Variants in DPP10 observed in about 807,000 individuals in gnomAD.
The protein encoded by DPP10 is dipeptidyl peptidase like 10, also known as inactive dipeptidyl peptidase 10.
A neutral mutation model predicts 120.9 loss-of-function variants in DPP10; 33 were observed. That is an observed-to-expected ratio of 0.27 (90% CI 0.21 to 0.37). The LOEUF is 0.37. Ranked by LOEUF, DPP10 falls within the 10% of genes least tolerant of loss-of-function variation. The pLI, the probability that DPP10 is intolerant of heterozygous loss-of-function variation, is 1.00. For synonymous variants in DPP10, 337 were observed against 326.1 expected, an observed-to-expected ratio of 1.03 and a Z score of -0.36; for missense variants, 816 against 942.8, an observed-to-expected ratio of 0.87 and a Z score of 1.76.
chr2:115,824,452 C>T (rs1253647899), intron 21 of DPP10, among the ~76,000 whole-genome samples: 1 of 152,106 alleles, frequency 6.6e-6, no homozygotes, highest in Non-Finnish European at 1.5e-5. Flanking sequence ...GGTATTTGTC[C>T]TAATGATCTC....
At chr2:114,650,196 G>T (rs551114012) in intron 1 of DPP10, among the ~76,000 whole-genome samples, 1 of 152,092 alleles carries the variant, frequency 6.6e-6, no homozygotes, top group East Asian at 1.9e-4. Context: ...TTGGAGCACC[G>T]TCTGAGAGCA....
At chr2:115,002,694 A>C in intron 1 of DPP10, among the ~76,000 whole-genome samples, 1 of 152,274 alleles carries the variant, frequency 6.6e-6, no homozygotes, top group Middle Eastern at 3.4e-3. Flanking sequence ...CTAATAAGTG[A>C]GCAAAGAACA....
chr2:115,701,840 A>G (rs2091902189), intron 7 of DPP10, among the ~76,000 whole-genome samples: 1 of 152,108 alleles, frequency 6.6e-6, no homozygotes, highest in Non-Finnish European at 1.5e-5. Context: ...TAAATGGCCA[A>G]TAAGTTCATC....
At chr2:114,448,471 T>C (rs779142569) in intron 1 of DPP10, among the ~76,000 whole-genome samples, 7 of 152,160 alleles carry the variant, frequency 4.6e-5, no homozygotes, top group South Asian at 2.1e-4. Flanking sequence ...TAAGCTAAGA[T>C]AGTGGTTATC....
intron 1 of DPP10, among the ~76,000 whole-genome samples, chr2:114,555,740 T>C (rs1573641834): frequency 6.6e-6 from 1 of 152,198 alleles, no homozygotes. Context: ...TATTTAATGA[T>C]GTATAACTGA....
intron 19 of DPP10, among the ~76,000 whole-genome samples, chr2:115,794,820 T>G (rs1684364993): frequency 2.0e-5 from 3 of 152,166 alleles, no homozygotes; most frequent in African/African-American, 7.2e-5. Flanking sequence ...CCAGCTCTTA[T>G]AACCTCGTAT....
At chr2:115,689,792 G>C in intron 6 of DPP10, 48 bp from the exon 7 acceptor site, 1 of 1,608,842 alleles carries the variant, frequency 6.2e-7, no homozygotes, top group Non-Finnish European at 8.5e-7. Context: ...CTAAATTGTT[G>C]GTGTAGATAT....
intron 1 of DPP10, among the ~76,000 whole-genome samples, chr2:115,091,130 T>C (rs1231594499): frequency 6.6e-6 from 1 of 152,188 alleles, no homozygotes; most frequent in Non-Finnish European, 1.5e-5. Flanking sequence ...CATTCTCTTA[T>C]ATCCAACCAT....
At chr2:115,297,940 C>T (rs144618293) in intron 1 of DPP10, among the ~76,000 whole-genome samples, 146 of 152,132 alleles carry the variant, frequency 9.6e-4, no homozygotes, top group Non-Finnish European at 2.0e-3. Context: ...ATTTATAGTT[C>T]CCAGGATGGG....
chr2:115,301,226 C>A (rs1371898227), intron 1 of DPP10, among the ~76,000 whole-genome samples: 2 of 151,962 alleles, frequency 1.3e-5, no homozygotes, highest in East Asian at 3.9e-4. Flanking sequence ...TAACAAACAT[C>A]TTGCCCCCAG....
chr2:114,590,236 C>T (rs989421304), intron 1 of DPP10, among the ~76,000 whole-genome samples: 2 of 152,022 alleles, frequency 1.3e-5, no homozygotes, highest in Admixed American at 6.6e-5. Context: ...TTACTGAAAT[C>T]TTATATCTGT....
chr2:114,555,501 C>T (rs966744036), intron 1 of DPP10, among the ~76,000 whole-genome samples: 1 of 152,132 alleles, frequency 6.6e-6, no homozygotes, highest in Admixed American at 6.5e-5. Context: ...ATTTGTGTTG[C>T]TTTACCCTGC....
chr2:114,663,652 T>TAGAGAG, intron 1 of DPP10, among the ~76,000 whole-genome samples: 1 of 90,812 alleles, frequency 1.1e-5, no homozygotes, highest in South Asian at 3.4e-4. Context: ...TATATATATA[T>TAGAGAG]ATATATATAT....
intron 5 of DPP10, among the ~76,000 whole-genome samples, chr2:115,607,022 A>C (rs188609001): frequency 1.3e-5 from 2 of 152,308 alleles, no homozygotes; most frequent in Admixed American, 1.3e-4. Flanking sequence ...ACTCCAAACT[A>C]TCAAAAGGTA....
chr2:115,676,040 C>T (rs1486887325), intron 5 of DPP10, among the ~76,000 whole-genome samples: 4 of 152,146 alleles, frequency 2.6e-5, no homozygotes, highest in African/African-American at 4.8e-5. Context: ...AGCTTTCCCC[C>T]GGACGGAGAA....
chr2:115,147,936 A>G (rs1257410771), intron 1 of DPP10, among the ~76,000 whole-genome samples: 1 of 152,146 alleles, frequency 6.6e-6, no homozygotes, highest in Non-Finnish European at 1.5e-5. Flanking sequence ...GACACAGCCC[A>G]CTGTGTCAAG....
intron 5 of DPP10, among the ~76,000 whole-genome samples, chr2:115,536,145 T>G (rs1262690078): frequency 6.6e-6 from 1 of 152,046 alleles, no homozygotes; most frequent in Non-Finnish European, 1.5e-5. Context: ...AAATAATGCC[T>G]CTATCCACCT....
chr2:115,345,289 T>G (rs2106268607), intron 3 of DPP10, among the ~76,000 whole-genome samples: 1 of 152,302 alleles, frequency 6.6e-6, no homozygotes, highest in African/African-American at 2.4e-5. Flanking sequence ...CTAGTCATAT[T>G]TTTGCCTTTG....
At chr2:114,617,658 G>A (rs904046940) in intron 1 of DPP10, among the ~76,000 whole-genome samples, 1 of 151,916 alleles carries the variant, frequency 6.6e-6, no homozygotes, top group Admixed American at 6.6e-5. Context: ...ATCCAGAAGG[G>A]GTCAGTAAGC....
Sources: gnomAD v4.1 joint callset for allele counts (sites outside exome capture counted in the v4.1 genomes callset) on GRCh38, gnomAD v4.1.1 for gene constraint, MANE v1.5 for transcripts, NCBI Gene and HGNC (gene_info 2026-07-23, HGNC 2026-07-21) for gene names.